HS3ST3A1: variants seen among roughly 807,000 people sequenced by gnomAD.
HS3ST3A1 encodes the protein heparan sulfate glucosamine 3-O-sulfotransferase 3A1.
A neutral mutation model predicts 25.7 loss-of-function variants in HS3ST3A1; 19 were observed. The ratio of observed to expected loss-of-function variants is 0.74; its 90% CI spans 0.52 to 1.08. The LOEUF (loss-of-function observed/expected upper bound fraction) is 1.08. Among genes scored for constraint, HS3ST3A1 ranks in the 50% least tolerant of loss-of-function variants. HS3ST3A1 has a pLI of 0.00. For missense variants in HS3ST3A1, 459 were observed against 594.3 expected (o/e 0.77, Z 2.37); for synonymous variants, 226 against 278.6 (o/e 0.81, Z 1.88).
chr17:13,574,296 G>C (rs911723012), intron 1 of HS3ST3A1, among the ~76,000 whole-genome samples: 1 of 151,666 alleles, frequency 6.6e-6, no homozygotes, highest in Non-Finnish European at 1.5e-5. Flanking sequence ...ACCACGCCTG[G>C]CTAATTTTTT....
chr17:13,579,943 T>TAAAAAA (rs66568347), intron 1 of HS3ST3A1, among the ~76,000 whole-genome samples: 85 of 81,814 alleles, frequency 1.0e-3, no homozygotes, highest in African/African-American at 2.1e-3. Flanking sequence ...TGACTCTGTC[T>TAAAAAA]AAAAAAAAAA....
At chr17:13,523,733 G>A (rs1364518665) in intron 1 of HS3ST3A1, among the ~76,000 whole-genome samples, 1 of 152,198 alleles carries the variant, frequency 6.6e-6, no homozygotes, top group African/African-American at 2.4e-5. Context: ...TTCCCACAGA[G>A]AGTTTTAGCA....
At chr17:13,498,480 A>T (rs1396492120) in intron 1 of HS3ST3A1, among the ~76,000 whole-genome samples, 1 of 152,168 alleles carries the variant, frequency 6.6e-6, no homozygotes. Flanking sequence ...CAGCCATAAA[A>T]CCTAAAAACA....
chr17:13,596,276 G>A (rs1908573526), intron 1 of HS3ST3A1, among the ~76,000 whole-genome samples: 1 of 151,884 alleles, frequency 6.6e-6, no homozygotes, highest in South Asian at 2.1e-4. Context: ...TCTCAATAGT[G>A]TCCCCAAACT....
At chr17:13,598,291 T>C (rs1165620322) in intron 1 of HS3ST3A1, among the ~76,000 whole-genome samples, 1 of 152,126 alleles carries the variant, frequency 6.6e-6, no homozygotes. Context: ...GAGCCTTCAG[T>C]CTTGCTCACA....
chr17:13,600,746 C>T lies in HS3ST3A1; in HGVS notation c.384G>A (p.Gly128=), dbSNP rs1446802936. Residue 128 remains glycine (G), a synonymous_variant, in exon 1 of 2, where the codon GGG becomes GGA. Coordinates refer to ENST00000284110, the MANE Select transcript of HS3ST3A1 (RefSeq NM_006042.3). ...GGGCCTCGGCCACGGTGCTTCCGGC[C>T]CCGGAGCCGCCCGGACCCCCTGACA... ...PGLSGGPGGS[G]AGSTVAEAPP... 6.6e-7 allele frequency: 1 copy of T among 1,520,326 alleles called. No homozygotes were observed. The highest frequency in any genetic ancestry group is 8.8e-7 in the Non-Finnish European group (1 of 1,140,812). 94.2% of individuals were successfully genotyped at this position (1,520,326 alleles called of 1,614,324 possible).
chr17:13,567,701 A>C (rs1907708721), intron 1 of HS3ST3A1, among the ~76,000 whole-genome samples: 1 of 152,216 alleles, frequency 6.6e-6, no homozygotes, highest in East Asian at 1.9e-4. Flanking sequence ...GATGTGGTGG[A>C]AATGGCCCAA....
chr17:13,495,915 A>G lies in HS3ST3A1; in HGVS notation c.*282T>C, dbSNP rs1419924824. On this transcript the variant is annotated 3_prime_UTR_variant, in exon 2 of 2. Transcript: ENST00000284110. ...CCTCAAGATTTTCTGAAAACTTTTA[A>G]TGACAACTGATGCTTATACTTTATG... The G allele has an allele frequency of 3.6e-6, 1 of 276,752 alleles. No homozygotes were observed. Among genetic ancestry groups the G allele is most frequent in the Non-Finnish European group, 6.6e-6 (1 of 151,556 alleles). 17.1% of individuals were successfully genotyped at this position (276,752 alleles called of 1,614,324 possible).
rs10632927 is a variant in HS3ST3A1 at position 13,560,289 on chromosome 17, C to CAAAAAA, written c.599+40236_599+40241dup. ...TGGGCAACAGAGGGACACTCGTCTC[C>CAAAAAA]AAAAAAAAAAAAAAAAAAAAAAAAA... On this transcript the variant is annotated intron_variant, in intron 1 of 1. Coordinates refer to ENST00000284110, the MANE Select transcript of HS3ST3A1 (RefSeq NM_006042.3). 5.5e-3 allele frequency among the ~76,000 whole-genome samples: 96 copies of CAAAAAA among 17,368 alleles called. 30 individuals carry two copies. Among genetic ancestry groups the CAAAAAA allele is most frequent in the South Asian group, 0.027 (8 of 292 alleles). 11.4% of individuals were successfully genotyped at this position (17,368 alleles called of 152,430 possible).
At chr17:13,585,734 T>A (rs1908240547) in intron 1 of HS3ST3A1, among the ~76,000 whole-genome samples, 1 of 151,552 alleles carries the variant, frequency 6.6e-6, no homozygotes, top group Non-Finnish European at 1.5e-5. Flanking sequence ...GGCTCCCAAA[T>A]CTGACCCTTA....
chr17:13,550,601 T>G (rs1288259559), intron 1 of HS3ST3A1, among the ~76,000 whole-genome samples: 1 of 151,998 alleles, frequency 6.6e-6, no homozygotes, highest in East Asian at 1.9e-4. Context: ...AAAAATAAAC[T>G]TTGTTATGTA....
chr17:13,557,794 G>C (rs1007647630), intron 1 of HS3ST3A1, among the ~76,000 whole-genome samples: 3 of 152,194 alleles, frequency 2.0e-5, no homozygotes, highest in Non-Finnish European at 4.4e-5. Context: ...AGAGAATGAA[G>C]CTCCACAATG....
At chr17:13,535,840 T>C (rs183331603) in intron 1 of HS3ST3A1, among the ~76,000 whole-genome samples, 18 of 152,306 alleles carry the variant, frequency 1.2e-4, no homozygotes, top group Non-Finnish European at 2.6e-4. Flanking sequence ...TTTCCAATGC[T>C]GATGAATGGT....
At chr17:13,499,143 C>T (rs1320594720) in intron 1 of HS3ST3A1, among the ~76,000 whole-genome samples, 1 of 152,184 alleles carries the variant, frequency 6.6e-6, no homozygotes, top group African/African-American at 2.4e-5. Flanking sequence ...TACGTGAACA[C>T]CAGAGAGTTT....
At chr17:13,572,775 G>A (rs917130184) in intron 1 of HS3ST3A1, among the ~76,000 whole-genome samples, 1 of 152,220 alleles carries the variant, frequency 6.6e-6, no homozygotes, top group Admixed American at 6.5e-5. Context: ...GCAAGGCACT[G>A]TGCCAGAAAC....
chr17:13,520,848 G>A (rs957618613), intron 1 of HS3ST3A1, among the ~76,000 whole-genome samples: 8 of 152,150 alleles, frequency 5.3e-5, no homozygotes, highest in African/African-American at 1.2e-4. Flanking sequence ...CTGACCTCAA[G>A]TGATCTGCCC....
At chr17:13,551,205 T>A (rs1907232252) in intron 1 of HS3ST3A1, among the ~76,000 whole-genome samples, 1 of 149,156 alleles carries the variant, frequency 6.7e-6, no homozygotes, top group Non-Finnish European at 1.5e-5. Context: ...AAAAATTAGG[T>A]GGGCGTGGTT....
intron 1 of HS3ST3A1, among the ~76,000 whole-genome samples, chr17:13,531,155 G>A (rs12950726): frequency 0.44 from 66,515 of 152,036 alleles, 16,277 homozygotes; most frequent in African/African-American, 0.67. Context: ...CAATTTTATC[G>A]CGATATCTTT....
chr17:13,526,146 G>A (rs1005933315), intron 1 of HS3ST3A1, among the ~76,000 whole-genome samples: 7 of 151,906 alleles, frequency 4.6e-5, no homozygotes, highest in African/African-American at 1.7e-4. Context: ...TCACTGCCCT[G>A]CAGTGCGCCC....
Sources: allele counts gnomAD v4.1 joint callset (sites outside exome capture counted in the v4.1 genomes callset), GRCh38; gene constraint gnomAD v4.1.1; transcripts MANE v1.5; gene names NCBI Gene and HGNC (gene_info 2026-07-23, HGNC 2026-07-21).